The following VEPH1 variants were observed in gnomAD, a reference collection of about 807,000 sequenced individuals.
VEPH1 encodes ventricular zone expressed PH domain containing 1.
In VEPH1, 80 loss-of-function variants were observed where a neutral mutation model predicts 85.2. That is an observed-to-expected ratio of 0.94 (90% CI 0.78 to 1.13). The LOEUF (loss-of-function observed/expected upper bound fraction) is 1.13, where lower values mean the gene tolerates loss of function less well. Among genes scored for constraint, VEPH1 ranks in the 50% most tolerant of loss-of-function variants. The pLI is 0.00. For missense variants in VEPH1, 955 were observed against 980.5 expected (o/e 0.97, Z 0.35); for synonymous variants, 297 against 348.0 (o/e 0.85, Z 1.63).
intron 5 of VEPH1, among the ~76,000 whole-genome samples, chr3:157,421,701 G>A (rs935262184): frequency 3.9e-5 from 6 of 152,088 alleles, no homozygotes; most frequent in Admixed American, 3.9e-4. Flanking sequence ...TGAAATCAAG[G>A]GTGTGCTCTA....
intron 4 of VEPH1, among the ~76,000 whole-genome samples, chr3:157,435,307 C>G (rs1483128883): frequency 6.6e-6 from 1 of 152,160 alleles, no homozygotes; most frequent in Non-Finnish European, 1.5e-5. Context: ...TAGTGGTTTG[C>G]TTCCTCATAT....
chr3:157,418,415 G>A (rs1039127474), intron 5 of VEPH1, among the ~76,000 whole-genome samples: 14 of 152,104 alleles, frequency 9.2e-5, no homozygotes, highest in South Asian at 2.1e-4. Context: ...AAACAGTGCC[G>A]TAACTTAATT....
chr3:157,493,124 C>T, intron 2 of VEPH1: 1 of 400,942 alleles, frequency 2.5e-6, no homozygotes, highest in Non-Finnish European at 5.0e-6. Flanking sequence ...AGGTTTTATG[C>T]AATGGAAAGG....
intron 4 of VEPH1, chr3:157,437,468 G>A (rs752100524): frequency 7.0e-6 from 11 of 1,569,768 alleles, no homozygotes; most frequent in Non-Finnish European, 9.5e-6. Context: ...CACATCCAAG[G>A]CAGGCCTGGG....
intron 6 of VEPH1, among the ~76,000 whole-genome samples, chr3:157,404,706 A>C (rs1488298172): frequency 6.6e-6 from 1 of 152,160 alleles, no homozygotes; most frequent in Non-Finnish European, 1.5e-5. Context: ...TTCATTCCTC[A>C]CATGCATACG....
chr3:157,260,105 C>A lies in VEPH1; in HGVS notation c.*1029G>T, dbSNP rs1011577745. The A allele has an allele frequency of 6.6e-6, 1 of 152,146 alleles. No homozygotes were observed. The highest frequency in any genetic ancestry group is 2.4e-5 in the African/African-American group (1 of 41,432). 9.4% of individuals were successfully genotyped at this position (152,146 alleles called of 1,614,324 possible). A position where few individuals can be genotyped will look rare whatever the true frequency, so the allele number is the denominator to read the frequency against. ...GAAACCTTATGTATATCTGCAACTT[C>A]TCTTCACTTTTGTTATATAACATAA... is the stretch of plus-strand genomic sequence containing the variant. On this transcript the variant is annotated 3_prime_UTR_variant, in exon 14 of 14. Coordinates refer to ENST00000362010, the MANE Select transcript of VEPH1 (RefSeq NM_001167912.2).
intron 4 of VEPH1, among the ~76,000 whole-genome samples, chr3:157,430,371 T>C (rs1733047334): frequency 6.6e-6 from 1 of 152,246 alleles, no homozygotes; most frequent in African/African-American, 2.4e-5. Context: ...TTCAACATTT[T>C]GTAGGAGTTA....
chr3:157,470,621 T>C (rs1736848799), intron 2 of VEPH1, 92 bp from the exon 3 acceptor site: 1 of 1,242,674 alleles, frequency 8.0e-7, no homozygotes, highest in African/African-American at 1.5e-5. Context: ...AGAAAATGGG[T>C]GCACCAGGCT....
intron 11 of VEPH1, among the ~76,000 whole-genome samples, chr3:157,300,239 A>G (rs1312476833): frequency 6.6e-6 from 1 of 152,224 alleles, no homozygotes; most frequent in Non-Finnish European, 1.5e-5. Context: ...AAAGAACCCA[A>G]CCACTATTAG....
At position 157,260,894 on chromosome 3, in the gene VEPH1, CTT is replaced by C; in HGVS notation, c.*238_*239del. ...TATCTGAGGGCATACTCTGTAGCTC[CTT>C]TTATTTTATTTTATTTTTGTGGGCA... On this transcript the variant is annotated 3_prime_UTR_variant, in exon 14 of 14. Transcript: ENST00000362010. The C allele has an allele frequency of 1.9e-6, 1 of 524,318 alleles. No individual in the cohort carries two copies. Among genetic ancestry groups the C allele is most frequent in the Non-Finnish European group, 3.3e-6 (1 of 305,150 alleles). The allele number at this position is 524,318 out of a possible 1,614,324, so 32.5% of individuals were successfully genotyped here. A position where few individuals can be genotyped will look rare whatever the true frequency, so the allele number is the denominator to read the frequency against.
At chr3:157,479,734 A>G (rs1737840974) in intron 2 of VEPH1, among the ~76,000 whole-genome samples, 2 of 152,206 alleles carry the variant, frequency 1.3e-5, no homozygotes, top group African/African-American at 4.8e-5. Flanking sequence ...TTCACAGGCA[A>G]TCACTCATCT....
At chr3:157,288,926 C>G (rs968335837) in intron 11 of VEPH1, among the ~76,000 whole-genome samples, 3 of 152,066 alleles carry the variant, frequency 2.0e-5, no homozygotes, top group Admixed American at 6.6e-5. Context: ...TCAGGCATTC[C>G]AATAGGTGCT....
intron 6 of VEPH1, among the ~76,000 whole-genome samples, chr3:157,386,302 A>G (rs1186692582): frequency 1.3e-5 from 2 of 150,984 alleles, no homozygotes; most frequent in Non-Finnish European, 2.9e-5. Context: ...TAGGCAAATA[A>G]CACAAGGTTT....
At chr3:157,338,369 T>C (rs1723172542) in intron 9 of VEPH1, among the ~76,000 whole-genome samples, 1 of 152,226 alleles carries the variant, frequency 6.6e-6, no homozygotes, top group East Asian at 1.9e-4. Flanking sequence ...TGCACTTCTC[T>C]ACCTTTATGA....
chr3:157,415,839 G>T (rs1238422661), intron 5 of VEPH1, among the ~76,000 whole-genome samples: 1 of 151,998 alleles, frequency 6.6e-6, no homozygotes, highest in Non-Finnish European at 1.5e-5. Flanking sequence ...CCCCTATTTT[G>T]CTTGAGTAGC....
intron 3 of VEPH1, among the ~76,000 whole-genome samples, chr3:157,461,945 A>C (rs6776505): frequency 0.038 from 5,780 of 151,830 alleles, 366 homozygotes; most frequent in African/African-American, 0.13. Context: ...TCTAGTCATC[A>C]AGAGATATCA....
intron 4 of VEPH1, chr3:157,437,769 C>T: frequency 3.4e-6 from 5 of 1,483,440 alleles, no homozygotes; most frequent in Non-Finnish European, 4.4e-6. Context: ...ACGCGGGCCG[C>T]AGGCTGGCGC....
chr3:157,480,084 G>GTC (rs10651809), intron 2 of VEPH1, among the ~76,000 whole-genome samples: 87,562 of 129,586 alleles, frequency 0.68, 27,564 homozygotes, highest in African/African-American at 0.75. Context: ...CTTTCTTTCT[G>GTC]TCTCTCTCTC....
At chr3:157,451,831 G>C (rs1484825131) in intron 4 of VEPH1, among the ~76,000 whole-genome samples, 1 of 152,142 alleles carries the variant, frequency 6.6e-6, no homozygotes, top group Non-Finnish European at 1.5e-5. Flanking sequence ...TGGGTGACAA[G>C]AACCTTGGAA....
Sources: gnomAD v4.1 joint callset for allele counts (sites outside exome capture counted in the v4.1 genomes callset) on GRCh38, gnomAD v4.1.1 for gene constraint, MANE v1.5 for transcripts, NCBI Gene and HGNC (gene_info 2026-07-23, HGNC 2026-07-21) for gene names.